The following NTM variants were observed in gnomAD, a reference collection of about 807,000 sequenced individuals.
NTM encodes neurotrimin, also known as IgLON family member 2.
Under a neutral mutation model 42.1 loss-of-function variants are expected in NTM, and 13 were observed. That is an observed-to-expected ratio of 0.31 (90% CI 0.20 to 0.49). The LOEUF (loss-of-function observed/expected upper bound fraction) is 0.49. Ranked by LOEUF, NTM falls within the 20% of genes least tolerant of loss-of-function variation. The pLI is 0.99. For synonymous variants in NTM, 187 were observed against 179.2 expected (o/e 1.04, Z -0.35); for missense variants, 373 against 452.8 (o/e 0.82, Z 1.60).
chr11:132,113,210 T>C (rs2063457537), intron 2 of NTM, among the ~76,000 whole-genome samples: 1 of 152,200 alleles, frequency 6.6e-6, no homozygotes, highest in Non-Finnish European at 1.5e-5. Context: ...ATGCAGCCCG[T>C]GCCCAGTCTC....
intron 2 of NTM, among the ~76,000 whole-genome samples, chr11:132,041,159 C>A (rs1307876362): frequency 6.6e-6 from 1 of 151,096 alleles, no homozygotes; most frequent in Non-Finnish European, 1.5e-5. Context: ...TCACCTGTAC[C>A]TTTTTGTTAT....
At chr11:131,941,946 A>G (rs753413181) in intron 2 of NTM, among the ~76,000 whole-genome samples, 1 of 152,084 alleles carries the variant, frequency 6.6e-6, no homozygotes, top group Non-Finnish European at 1.5e-5. Flanking sequence ...ACATCATCTC[A>G]TATTATCTAA....
intron 1 of NTM, among the ~76,000 whole-genome samples, chr11:131,882,047 T>C (rs2049611110): frequency 6.6e-6 from 1 of 152,096 alleles, no homozygotes. Flanking sequence ...AGAGGAAGGA[T>C]ATATTCCAAC....
chr11:131,680,413 A>G, intron 1 of NTM, among the ~76,000 whole-genome samples: 1 of 147,804 alleles, frequency 6.8e-6, no homozygotes, highest in Non-Finnish European at 1.5e-5. Flanking sequence ...CTGTGTAGGC[A>G]TGTGTGCCTC....
chr11:132,181,927 G>T (rs975340129), intron 3 of NTM, among the ~76,000 whole-genome samples: 7 of 150,232 alleles, frequency 4.7e-5, no homozygotes, highest in Admixed American at 3.3e-4. Flanking sequence ...AATCTTATCA[G>T]ATTTCAAAAT....
At chr11:131,666,173 T>A (rs2069006064) in intron 1 of NTM, among the ~76,000 whole-genome samples, 1 of 152,164 alleles carries the variant, frequency 6.6e-6, no homozygotes, top group Admixed American at 6.5e-5. Flanking sequence ...CCTCAACCCA[T>A]GGTCAAGTGA....
chr11:131,594,282 G>C (rs958717409), intron 1 of NTM, among the ~76,000 whole-genome samples: 1 of 152,182 alleles, frequency 6.6e-6, no homozygotes, highest in Non-Finnish European at 1.5e-5. Flanking sequence ...CAACTGTCCT[G>C]TACCAAGAAC....
intron 1 of NTM, among the ~76,000 whole-genome samples, chr11:131,543,024 A>G (rs949024007): frequency 1.3e-5 from 2 of 152,158 alleles, no homozygotes; most frequent in Non-Finnish European, 2.9e-5. Flanking sequence ...TTCCTTGCCC[A>G]CATGGTTGCC....
At chr11:131,972,656 G>A (rs2000585) in intron 2 of NTM, among the ~76,000 whole-genome samples, 72,744 of 151,858 alleles carry the variant, frequency 0.48, 19,334 homozygotes, top group East Asian at 0.74. Context: ...CCTCCACATT[G>A]CTTTTCTGTT....
At chr11:132,031,412 T>C (rs1404914719) in intron 2 of NTM, among the ~76,000 whole-genome samples, 1 of 152,120 alleles carries the variant, frequency 6.6e-6, no homozygotes. Context: ...GTATTCCAGA[T>C]GAGAGGGGAT....
At chr11:131,645,585 C>T (rs1185249823) in intron 1 of NTM, among the ~76,000 whole-genome samples, 1 of 152,244 alleles carries the variant, frequency 6.6e-6, no homozygotes, top group African/African-American at 2.4e-5. Flanking sequence ...TAAAAATTCA[C>T]CTCTTCTATG....
chr11:131,949,674 C>G (rs904014784), intron 2 of NTM, among the ~76,000 whole-genome samples: 4 of 152,150 alleles, frequency 2.6e-5, no homozygotes, highest in Non-Finnish European at 4.4e-5. Flanking sequence ...CAAGGTCCAT[C>G]CTCCTGAGTC....
intron 2 of NTM, among the ~76,000 whole-genome samples, chr11:132,031,522 G>A (rs571697405): frequency 1.3e-5 from 2 of 152,276 alleles, no homozygotes; most frequent in East Asian, 3.9e-4. Context: ...GGTAGATTGG[G>A]TGTTGGTATG....
intron 1 of NTM, among the ~76,000 whole-genome samples, chr11:131,867,738 CTGTG>C (rs1343316816): frequency 1.3e-5 from 2 of 152,040 alleles, no homozygotes; most frequent in African/African-American, 4.8e-5. Flanking sequence ...GTAAATGTGT[CTGTG>C]TGTATGTATA....
intron 1 of NTM, chr11:131,539,440 G>A (rs778317142): frequency 2.6e-5 from 4 of 152,254 alleles, no homozygotes; most frequent in Non-Finnish European, 5.9e-5. Context: ...GGCTGGAAAG[G>A]GGTTCAGTAA....
At position 132,002,952 on chromosome 11, in the gene NTM, A is replaced by G. The variant is rs1174519663; in HGVS notation, c.167+91304A>G. 6.6e-6 allele frequency among the ~76,000 whole-genome samples: 1 copy of G among 151,278 alleles called. No individual in the cohort carries two copies. On this transcript the variant is annotated intron_variant, in intron 2 of 8. Transcript: ENST00000683400. This position sits in a 1 kb window ranked among gnomAD's most constrained non-coding sequence, Gnocchi z 4.5. ...TACTATTAAAAAAGAGGAAACAGGA[A>G]AAACCTTTGTCTTCAAGAAGCTTTT...
intron 1 of NTM, among the ~76,000 whole-genome samples, chr11:131,604,400 A>C (rs907655618): frequency 3.3e-5 from 5 of 152,102 alleles, no homozygotes; most frequent in Non-Finnish European, 1.5e-5. Context: ...TTGAGTTGTA[A>C]GAGTTCTTCA....
intron 2 of NTM, among the ~76,000 whole-genome samples, chr11:131,916,120 G>A (rs1252259625): frequency 2.6e-5 from 4 of 152,220 alleles, no homozygotes; most frequent in African/African-American, 9.6e-5. Context: ...TCCGTGGCTG[G>A]AGCAGAGCCC....
chr11:131,674,734 G>C (rs1256804757), intron 1 of NTM, among the ~76,000 whole-genome samples: 1 of 152,082 alleles, frequency 6.6e-6, no homozygotes, highest in East Asian at 1.9e-4. Flanking sequence ...TTCCCTGTCT[G>C]GTTACCTGTA....
Sources: allele counts gnomAD v4.1 joint callset (sites outside exome capture counted in the v4.1 genomes callset), GRCh38; gene constraint gnomAD v4.1.1; non-coding constraint Gnocchi (gnomAD v3.1); transcripts MANE v1.5; gene names NCBI Gene and HGNC (gene_info 2026-07-23, HGNC 2026-07-21).